RERE: variants seen among roughly 807,000 people sequenced by gnomAD.
The protein encoded by RERE is arginine-glutamic acid dipeptide repeats protein.
In RERE, 40 loss-of-function variants were observed where a neutral mutation model predicts 146.1. The ratio of observed to expected loss-of-function variants is 0.27; its 90% CI spans 0.21 to 0.36. The LOEUF (loss-of-function observed/expected upper bound fraction) is 0.36. RERE is among the 10% of genes least tolerant of loss of function. RERE has a pLI of 1.00. For missense variants in RERE, 1,933 were observed against 2,138.7 expected, an observed-to-expected ratio of 0.90 and a Z score of 1.90; for synonymous variants, 1,003 against 866.0, an observed-to-expected ratio of 1.16 and a Z score of -2.78.
At chr1:8,757,313 T>C (rs1441057440) in intron 1 of RERE, among the ~76,000 whole-genome samples, 1 of 152,196 alleles carries the variant, frequency 6.6e-6, no homozygotes, top group African/African-American at 2.4e-5. Flanking sequence ...ACTGCCCCAT[T>C]TCTTTCACTA....
chr1:8,710,062 T>C (rs1639636318), intron 1 of RERE, among the ~76,000 whole-genome samples: 1 of 152,230 alleles, frequency 6.6e-6, no homozygotes. Flanking sequence ...TTTTATCACA[T>C]TCGGCCATCT....
intron 12 of RERE, among the ~76,000 whole-genome samples, chr1:8,374,768 C>T (rs1042070752): frequency 6.6e-6 from 1 of 152,196 alleles, no homozygotes; most frequent in African/African-American, 2.4e-5. Flanking sequence ...TTCCTTTCTA[C>T]CATATTCCCC....
At chr1:8,386,022 A>ATATATTTT (rs1186333936) in intron 12 of RERE, among the ~76,000 whole-genome samples, 3 of 26,634 alleles carry the variant, frequency 1.1e-4, no homozygotes, top group Non-Finnish European at 1.8e-4. Context: ...ATATATATAT[A>ATATATTTT]TTTTTTTTTT....
At chr1:8,587,506 A>G (rs1191956753) in intron 4 of RERE, among the ~76,000 whole-genome samples, 1 of 152,064 alleles carries the variant, frequency 6.6e-6, no homozygotes, top group Non-Finnish European at 1.5e-5. Flanking sequence ...CCTCCCCTCC[A>G]CCACTAACTC....
chr1:8,734,298 A>C (rs1640150850), intron 1 of RERE, among the ~76,000 whole-genome samples: 1 of 152,156 alleles, frequency 6.6e-6, no homozygotes, highest in African/African-American at 2.4e-5. Context: ...TCATTTCTTC[A>C]GGACATAAAG....
At chr1:8,412,853 G>T (rs573667866) in intron 12 of RERE, among the ~76,000 whole-genome samples, 2 of 152,282 alleles carry the variant, frequency 1.3e-5, no homozygotes, top group African/African-American at 4.8e-5. Flanking sequence ...GGATATCCAG[G>T]TTTCAAACTG....
In RERE at chr1:8,365,936, G is replaced by A. The variant is rs775061185; in HGVS notation, c.1323C>T (p.Thr441=). ...GGGCTCGGGAGCTGGCTGCTTCGGG[G>A]GTCTTCTTCCAATAGTAATAGAAGG... ...LITFYYYWKK[T]PEAASSRAHR... Residue 441 remains threonine, a synonymous_variant, in exon 13 of 23, where the codon ACC becomes ACT. Coordinates refer to ENST00000400908, the MANE Select transcript of RERE (RefSeq NM_001042681.2). The A allele has an allele frequency of 1.2e-6, 2 of 1,613,968 alleles. No homozygotes were observed.
intron 4 of RERE, among the ~76,000 whole-genome samples, chr1:8,591,427 T>TA (rs750908271): frequency 1.4e-5 from 2 of 138,226 alleles, no homozygotes; most frequent in Admixed American, 7.7e-5. Context: ...TCTTTTTGCT[T>TA]TAAAAAAAAA....
intron 4 of RERE, among the ~76,000 whole-genome samples, chr1:8,609,223 A>C (rs1475129912): frequency 6.6e-6 from 1 of 151,776 alleles, no homozygotes; most frequent in Admixed American, 6.6e-5. Context: ...GTCTCCCAAA[A>C]AAAAAAAAAA....
intron 10 of RERE, among the ~76,000 whole-genome samples, chr1:8,468,516 CAT>C (rs1644634227): frequency 6.6e-6 from 1 of 152,126 alleles, no homozygotes; most frequent in Non-Finnish European, 1.5e-5. Context: ...TTGATCAAAT[CAT>C]AAATTTTTAA....
chr1:8,358,980 C>T, intron 19 of RERE, 64 bp from the exon 20 acceptor site: 1 of 1,481,880 alleles, frequency 6.7e-7, no homozygotes, highest in Non-Finnish European at 8.9e-7. Context: ...TTGGTCCACA[C>T]TGCGGAGGTG....
intron 1 of RERE, among the ~76,000 whole-genome samples, chr1:8,806,390 G>A (rs1641693509): frequency 6.6e-6 from 1 of 152,042 alleles, no homozygotes; most frequent in Non-Finnish European, 1.5e-5. Context: ...ATTTAGCCAG[G>A]TGTGGTGGTG....
intron 4 of RERE, among the ~76,000 whole-genome samples, chr1:8,613,990 A>G (rs1009848564): frequency 6.6e-6 from 1 of 152,174 alleles, no homozygotes; most frequent in African/African-American, 2.4e-5. Flanking sequence ...CCTCTTACAC[A>G]TCCCTCAGGA....
At chr1:8,610,208 A>C (rs543617701) in intron 4 of RERE, among the ~76,000 whole-genome samples, 6 of 152,372 alleles carry the variant, frequency 3.9e-5, no homozygotes, top group African/African-American at 1.4e-4. Flanking sequence ...AGAAAAATGT[A>C]CATATATAGA....
chr1:8,667,634 G>A (rs1043744695), intron 1 of RERE, among the ~76,000 whole-genome samples: 1 of 152,146 alleles, frequency 6.6e-6, no homozygotes, highest in Non-Finnish European at 1.5e-5. Flanking sequence ...CCAAGATGGC[G>A]CCACTGCACT....
chr1:8,380,643 G>A, intron 12 of RERE: 1 of 361,288 alleles, frequency 2.8e-6, no homozygotes, highest in South Asian at 2.1e-5. Context: ...CACCAAGCCT[G>A]GCCCATCAAG....
chr1:8,732,146 G>A (rs1041078107), intron 1 of RERE, among the ~76,000 whole-genome samples: 3 of 152,106 alleles, frequency 2.0e-5, no homozygotes, highest in African/African-American at 7.2e-5. Context: ...CCACAATCGT[G>A]CCCCTAAGCA....
At chr1:8,641,132 C>A (rs1212266637) in intron 2 of RERE, among the ~76,000 whole-genome samples, 1 of 152,186 alleles carries the variant, frequency 6.6e-6, no homozygotes, top group Non-Finnish European at 1.5e-5. Context: ...AGATGACAAA[C>A]ACATGGGTCA....
rs541869483 is a variant in RERE, at chr1:8,365,568, T to C, written c.1447+244A>G. 2.0e-5 allele frequency among the ~76,000 whole-genome samples: 3 copies of C among 152,290 alleles called. No homozygotes were observed. The South Asian group carries it at 6.2e-4, about 32-fold the overall frequency. On this transcript the variant is annotated intron_variant, in intron 13 of 22. Transcript: ENST00000400908. The stretch of plus-strand genomic sequence containing the variant: ...TTTTTTGTAAAAACCTAAGATGATG[T>C]TGAGTTTATGAGAAATATTTAAATG...
Sources: gnomAD v4.1 joint callset for allele counts (sites outside exome capture counted in the v4.1 genomes callset) on GRCh38, gnomAD v4.1.1 for gene constraint, MANE v1.5 for transcripts, NCBI Gene and HGNC (gene_info 2026-07-23, HGNC 2026-07-21) for gene names.